Variants in ZNF225 observed in about 807,000 individuals in gnomAD.
The protein encoded by ZNF225 is zinc finger protein 225.
ZNF225 carries 6 observed loss-of-function variants against 12.0 expected under a neutral mutation model. That is an observed-to-expected ratio of 0.50 (90% confidence interval 0.27 to 0.98). The LOEUF is 0.98. ZNF225 is among the 50% of genes least tolerant of loss of function. The pLI is 0.11. For missense variants in ZNF225, 763 were observed against 848.2 expected, an observed-to-expected ratio of 0.90 and a Z score of 1.25; for synonymous variants, 271 against 283.2, an observed-to-expected ratio of 0.96 and a Z score of 0.43.
intron 4 of ZNF225, among the ~76,000 whole-genome samples, chr19:44,122,935 A>G (rs1334493633): frequency 1.3e-5 from 2 of 152,196 alleles, no homozygotes; most frequent in Non-Finnish European, 2.9e-5. Flanking sequence ...TGATCATATC[A>G]TTAGCGAACA....
At chr19:44,115,877 T>C (rs1219874427) in intron 2 of ZNF225, 35 bp downstream of exon 2, 1 of 1,608,146 alleles carries the variant, frequency 6.2e-7, no homozygotes, top group Non-Finnish European at 8.5e-7. Flanking sequence ...TGTTAAAATT[T>C]CTTTTATGGA....
chr19:44,114,268 G>T, intron 1 of ZNF225: 1 of 739,238 alleles, frequency 1.4e-6, no homozygotes, highest in African/African-American at 1.8e-5. Flanking sequence ...AACCGAGAGT[G>T]TATAGGATGT....
Position 44,131,725 on chromosome 19 carries a change from C to A in ZNF225, c.1111C>A (p.Pro371Thr). Reference protein sequence around the residue: ...KHQIDHTGEKPYNCKECGKSF... With the variant: ...KHQIDHTGEKTYNCKECGKSF... ...TCAGATAGACCACACAGGGGAGAAGCCATATAATTGTAAAGAATGTGGAAA... is the reference window on the plus strand; with the variant it reads ...TCAGATAGACCACACAGGGGAGAAGACATATAATTGTAAAGAATGTGGAAA... The change falls in exon 5 of 5, where the codon CCA becomes ACA. Residue 371 changes from proline to threonine, a missense_variant. By Grantham distance (38) the Pro-to-Thr change is conservative. Transcript: ENST00000262894. The A allele has an allele frequency of 6.2e-7, 1 of 1,614,134 alleles. No homozygotes were observed. The highest frequency in any genetic ancestry group is 8.5e-7 in the Non-Finnish European group (1 of 1,180,032).
At chr19:44,118,893 T>G (rs902421702) in intron 4 of ZNF225, among the ~76,000 whole-genome samples, 5 of 151,804 alleles carry the variant, frequency 3.3e-5, no homozygotes, top group Admixed American at 3.3e-4. Flanking sequence ...CTCGGCTCAC[T>G]GCAAGCTCCG....
chr19:44,121,119 G>A lies in ZNF225; in HGVS notation c.235+2545G>A, dbSNP rs192725545. On this transcript the variant is annotated intron_variant, in intron 4 of 4. Transcript: ENST00000262894. ...TTACCGTGTTAGCCAGGATGGTCTC[G>A]ATCTCCTGACCTCGTGATCCACCCG... Among the ~76,000 whole-genome samples the A allele has an allele frequency of 8.5e-4, 130 of 152,118 alleles. 1 individual carries two copies. Among genetic ancestry groups the A allele is most frequent in the African/African-American group, 2.7e-3 (114 of 41,490 alleles).
intron 4 of ZNF225, among the ~76,000 whole-genome samples, chr19:44,127,512 G>A (rs967400720): frequency 5.9e-5 from 9 of 152,138 alleles, no homozygotes; most frequent in African/African-American, 1.4e-4. Flanking sequence ...TCTGTATGCC[G>A]CACTGTCCGT....
At chr19:44,115,191 C>T (rs1235400926) in intron 1 of ZNF225, among the ~76,000 whole-genome samples, 3 of 151,874 alleles carry the variant, frequency 2.0e-5, no homozygotes, top group African/African-American at 7.3e-5. Context: ...ATGCTTTGTC[C>T]AACTTTATTG....
intron 4 of ZNF225, among the ~76,000 whole-genome samples, chr19:44,121,768 A>G (rs1015571801): frequency 2.0e-5 from 3 of 152,162 alleles, no homozygotes; most frequent in African/African-American, 7.2e-5. Flanking sequence ...TTTTTAAAAT[A>G]TGTTTGTTGG....
chr19:44,119,038 G>C (rs28521615), intron 4 of ZNF225, among the ~76,000 whole-genome samples: 8,786 of 152,096 alleles, frequency 0.058, 549 homozygotes, highest in Admixed American at 0.15. Flanking sequence ...GGATGGTCTC[G>C]ATCTCCTGAC....
chr19:44,123,664 T>C (rs1194127132), intron 4 of ZNF225, among the ~76,000 whole-genome samples: 2 of 152,204 alleles, frequency 1.3e-5, no homozygotes, highest in Non-Finnish European at 2.9e-5. Flanking sequence ...CATTTCAATC[T>C]CATGGCTTGT....
Position 44,131,320 on chromosome 19 carries a change from C to T in ZNF225, c.706C>T (p.Gln236Ter). The T allele has an allele frequency of 6.2e-7, 1 of 1,613,996 alleles. No homozygotes were observed. Among genetic ancestry groups the T allele is most frequent in the African/African-American group, 1.3e-5 (1 of 75,002 alleles). Residue 236 changes from glutamine (Q) to a stop codon, truncating the protein, a stop_gained, in exon 5 of 5, where the codon CAG (glutamine) becomes TAG (stop). Coordinates refer to ENST00000262894, the MANE Select transcript of ZNF225 (RefSeq NM_013362.4). LOFTEE classifies it low-confidence loss of function (END_TRUNC). ...TGGAGAGAAACCATTCAAATGTGAG[C>T]AGTGTGGGAAAGGCTTTAGTCGTAG... ...HTGEKPFKCE[Q>*]CGKGFSRRSG...
chr19:44,133,315 G>T lies in ZNF225; in HGVS notation c.*580G>T, dbSNP rs1012236281. ...GAATGGTGCTGCAATAAACATGGGG[G>T]GGTGGAGATAACACTTTAACATACT... On this transcript the variant is annotated 3_prime_UTR_variant, in exon 5 of 5. Coordinates refer to ENST00000262894, the MANE Select transcript of ZNF225 (RefSeq NM_013362.4). The T allele has an allele frequency of 1.3e-4, 20 of 152,284 alleles. No individual in the cohort carries two copies. The highest frequency in any genetic ancestry group is 4.6e-4 in the African/African-American group (19 of 41,402). The allele number at this position is 152,284 out of a possible 1,614,324, so 9.4% of individuals were successfully genotyped here. A position where few individuals can be genotyped will look rare whatever the true frequency, so the allele number is the denominator to read the frequency against.
intron 4 of ZNF225, chr19:44,129,103 C>T (rs1179090057): frequency 8.1e-7 from 1 of 1,231,418 alleles, no homozygotes; most frequent in Non-Finnish European, 1.0e-6. Flanking sequence ...TTTCAGGTAA[C>T]CAAGTTATTG....
chr19:44,120,294 C>T (rs1233548339), intron 4 of ZNF225, among the ~76,000 whole-genome samples: 1 of 152,112 alleles, frequency 6.6e-6, no homozygotes, highest in East Asian at 1.9e-4. Flanking sequence ...TTCTGTTTAC[C>T]TGTCACTTTT....
At chr19:44,116,162 G>A (rs901661689) in intron 2 of ZNF225, among the ~76,000 whole-genome samples, 12 of 152,144 alleles carry the variant, frequency 7.9e-5, no homozygotes, top group African/African-American at 2.9e-4. Flanking sequence ...GTGCCCGGCC[G>A]TATTTCTTCT....
At chr19:44,115,886 G>A (rs756584814) in intron 2 of ZNF225, 44 bp downstream of exon 2, 8 of 1,603,210 alleles carry the variant, frequency 5.0e-6, no homozygotes, top group African/African-American at 4.0e-5. Flanking sequence ...TTCTTTTATG[G>A]AGACTTGTTC....
At chr19:44,119,241 C>T (rs550853673) in intron 4 of ZNF225, among the ~76,000 whole-genome samples, 1 of 152,326 alleles carries the variant, frequency 6.6e-6, no homozygotes, top group South Asian at 2.1e-4. Context: ...CTTGTCCTTC[C>T]AGCCACGTTG....
At chr19:44,115,905 A>C in intron 2 of ZNF225, 63 bp downstream of exon 2, 1 of 1,565,726 alleles carries the variant, frequency 6.4e-7, no homozygotes, top group Non-Finnish European at 8.7e-7. Flanking sequence ...TCTGTCGCCA[A>C]GGCTGGAGTG....
At chr19:44,115,561 T>G (rs1967926561) in intron 1 of ZNF225, 199 bp from the exon 2 acceptor site, 2 of 360,302 alleles carry the variant, frequency 5.6e-6, no homozygotes, top group Non-Finnish European at 1.0e-5. Flanking sequence ...CCAAATAAGA[T>G]TCCATTGTAT....
Sources: allele counts gnomAD v4.1 joint callset (sites outside exome capture counted in the v4.1 genomes callset), GRCh38; gene constraint gnomAD v4.1.1; transcripts MANE v1.5; gene names NCBI Gene and HGNC (gene_info 2026-07-23, HGNC 2026-07-21).